Variants in ADGRG6 observed in about 807,000 individuals in gnomAD.
ADGRG6 encodes G-protein coupled receptor 126.
In ADGRG6, 84 loss-of-function variants were observed where a neutral mutation model predicts 142.4. That is an observed-to-expected ratio of 0.59 (90% CI 0.49 to 0.71). ADGRG6 has a LOEUF of 0.71. Ranked by LOEUF, ADGRG6 falls within the 30% of genes least tolerant of loss-of-function variation. ADGRG6 has a pLI of 0.00. For synonymous variants in ADGRG6, 521 were observed against 520.5 expected (o/e 1.00, Z -0.01); for missense variants, 1,367 against 1,466.6 (o/e 0.93, Z 1.11).
At chr6:142,315,965 G>A (rs1185719461) in intron 2 of ADGRG6, among the ~76,000 whole-genome samples, 1 of 152,038 alleles carries the variant, frequency 6.6e-6, no homozygotes, top group Non-Finnish European at 1.5e-5. Flanking sequence ...GAGGAATAAA[G>A]TATCCCAGTG....
At chr6:142,302,611 G>T (rs1354462586) in intron 1 of ADGRG6, 1 of 436,342 alleles carries the variant, frequency 2.3e-6, no homozygotes, top group South Asian at 6.6e-5. Context: ...GAAGGGCAGG[G>T]CTTCAAGAAT....
rs184591267 is a variant in ADGRG6, at chr6:142,381,966, C to T, written c.1085C>T (p.Pro362Leu). The T allele has an allele frequency of 3.4e-5, 55 of 1,601,696 alleles. No individual in the cohort carries two copies. Among genetic ancestry groups the T allele is most frequent in the East Asian group, 1.8e-4 (8 of 44,458 alleles). Residue 362 changes from proline (P) to leucine (L), a missense_variant, in exon 5 of 25, where the codon CCG (proline) becomes CTG (leucine). Transcript: ENST00000367609. ...GTTGATCAAGGTTCCTACCTGATCC[C>T]GCTCCCAGCAGCAGAACTGGCCAGC... ...SNLSCGSYLIPLPAAELASCA... is the reference protein window; with the variant it reads ...SNLSCGSYLILLPAAELASCA...
At chr6:142,399,078 A>G (rs373746881) in intron 10 of ADGRG6, among the ~76,000 whole-genome samples, 1 of 152,204 alleles carries the variant, frequency 6.6e-6, no homozygotes, top group Non-Finnish European at 1.5e-5. Context: ...AATTGTTTTA[A>G]TGTTATTCTA....
intron 2 of ADGRG6, among the ~76,000 whole-genome samples, chr6:142,328,994 C>A (rs1310019418): frequency 6.6e-6 from 1 of 152,060 alleles, no homozygotes; most frequent in African/African-American, 2.4e-5. Flanking sequence ...TATAATGGTT[C>A]AGTGTGTGGG....
intron 6 of ADGRG6, 138 bp downstream of exon 6, chr6:142,383,981 A>G (rs940189696): frequency 1.0e-5 from 6 of 592,866 alleles, no homozygotes; most frequent in Non-Finnish European, 1.8e-5. Flanking sequence ...CAAGATTAGT[A>G]AAATTAATAA....
chr6:142,340,718 A>G (rs1241805880), intron 2 of ADGRG6, among the ~76,000 whole-genome samples: 1 of 152,098 alleles, frequency 6.6e-6, no homozygotes, highest in East Asian at 1.9e-4. Flanking sequence ...TTCCAAGTAG[A>G]AGCAGAGAAA....
chr6:142,347,153 A>G (rs574221488), intron 2 of ADGRG6, among the ~76,000 whole-genome samples: 1 of 152,318 alleles, frequency 6.6e-6, no homozygotes, highest in African/African-American at 2.4e-5. Context: ...GCACTATAAT[A>G]GGCTTTGAAG....
At chr6:142,346,000 T>C (rs1486279747) in intron 2 of ADGRG6, among the ~76,000 whole-genome samples, 2 of 152,214 alleles carry the variant, frequency 1.3e-5, no homozygotes, top group Non-Finnish European at 2.9e-5. Flanking sequence ...CCCTTCCTTA[T>C]GTTCACTTTA....
At chr6:142,369,786 A>G (rs1237439072) in intron 3 of ADGRG6, among the ~76,000 whole-genome samples, 3 of 152,230 alleles carry the variant, frequency 2.0e-5, no homozygotes, top group Non-Finnish European at 4.4e-5. Flanking sequence ...GAAAAGTAGT[A>G]TTTTTGAAAA....
Position 142,444,328 on chromosome 6 carries a change from C to A in ADGRG6, c.*813C>A, listed in dbSNP as rs2294774. The A allele has an allele frequency of 0.081, 12,321 of 152,156 alleles. 612 individuals carry two copies. Among genetic ancestry groups the A allele is most frequent in the East Asian group, 0.25 (1,281 of 5,166 alleles). 9.4% of individuals were successfully genotyped at this position (152,156 alleles called of 1,614,324 possible). ...TTACACCTCTACTTTTGCCCCTCTA[C>A]TGTATATTAAGCCCATAGGCTTGTG... On this transcript the variant is annotated 3_prime_UTR_variant, in exon 25 of 25. Coordinates refer to ENST00000367609, the MANE Select transcript of ADGRG6 (RefSeq NM_198569.3).
intron 22 of ADGRG6, among the ~76,000 whole-genome samples, chr6:142,431,095 T>C (rs1345348740): frequency 1.2e-5 from 1 of 81,648 alleles, no homozygotes; most frequent in Non-Finnish European, 2.6e-5. Context: ...ACAATTACAG[T>C]TTTTTTTTTT....
intron 2 of ADGRG6, among the ~76,000 whole-genome samples, chr6:142,354,842 C>T (rs1002146343): frequency 2.0e-5 from 3 of 152,220 alleles, no homozygotes; most frequent in African/African-American, 7.2e-5. Flanking sequence ...AGTTCATCTA[C>T]TTAGAAGCTG....
chr6:142,419,330 A>G (rs1776538314), intron 21 of ADGRG6, among the ~76,000 whole-genome samples: 1 of 152,162 alleles, frequency 6.6e-6, no homozygotes, highest in South Asian at 2.1e-4. Flanking sequence ...AAGCAGGAAG[A>G]AGGAATAAGG....
chr6:142,386,409 G>A (rs1206743484), intron 6 of ADGRG6, among the ~76,000 whole-genome samples: 3 of 152,132 alleles, frequency 2.0e-5, no homozygotes, highest in Non-Finnish European at 4.4e-5. Context: ...ATTAAACATT[G>A]CAGTTAATAT....
intron 2 of ADGRG6, among the ~76,000 whole-genome samples, chr6:142,317,929 A>T (rs1562306353): frequency 1.4e-5 from 1 of 72,430 alleles, no homozygotes; most frequent in Non-Finnish European, 2.4e-5. Flanking sequence ...TATATTATAT[A>T]TTTATATATT....
chr6:142,355,539 T>C (rs1048745179), intron 2 of ADGRG6, among the ~76,000 whole-genome samples: 1 of 152,100 alleles, frequency 6.6e-6, no homozygotes, highest in African/African-American at 2.4e-5. Context: ...ATCATTCAAC[T>C]GCACCTCGAT....
chr6:142,345,884 T>C (rs998874122), intron 2 of ADGRG6, among the ~76,000 whole-genome samples: 8 of 152,252 alleles, frequency 5.3e-5, no homozygotes, highest in African/African-American at 1.9e-4. Flanking sequence ...TTTGTTGTTA[T>C]ACTTTAGATT....
intron 2 of ADGRG6, among the ~76,000 whole-genome samples, chr6:142,341,214 C>T (rs940352004): frequency 2.0e-5 from 3 of 150,532 alleles, no homozygotes; most frequent in African/African-American, 7.3e-5. Flanking sequence ...GGTTCTGGAG[C>T]TGTACTCCTT....
At chr6:142,413,899 T>TCACACACACACACACACACA (rs112923600) in intron 18 of ADGRG6, among the ~76,000 whole-genome samples, 96 of 141,486 alleles carry the variant, frequency 6.8e-4, no homozygotes, top group East Asian at 1.7e-3. Context: ...CATTTCTTTA[T>TCACACACACACACACACACA]CACACACACA....
Sources: allele counts gnomAD v4.1 joint callset (sites outside exome capture counted in the v4.1 genomes callset), GRCh38; gene constraint gnomAD v4.1.1; transcripts MANE v1.5; gene names NCBI Gene and HGNC (gene_info 2026-07-23, HGNC 2026-07-21).